The following DNAJC13 variants were observed in gnomAD, a reference collection of about 807,000 sequenced individuals.
DNAJC13 encodes the protein dnaJ homolog subfamily C member 13.
DNAJC13 carries 75 observed loss-of-function variants against 290.5 expected under a neutral mutation model. The ratio of observed to expected loss-of-function variants is 0.26; its 90% confidence interval spans 0.21 to 0.31. The LOEUF (loss-of-function observed/expected upper bound fraction) is 0.31. DNAJC13 is among the 10% of genes least tolerant of loss of function. DNAJC13 has a pLI of 1.00. For synonymous variants in DNAJC13, 862 were observed against 892.0 expected, an observed-to-expected ratio of 0.97 and a Z score of 0.60; for missense variants, 2,260 against 2,674.5, an observed-to-expected ratio of 0.85 and a Z score of 3.42.
chr3:132,440,300 T>A (rs573238959), intron 2 of DNAJC13, among the ~76,000 whole-genome samples: 1 of 152,204 alleles, frequency 6.6e-6, no homozygotes, highest in Non-Finnish European at 1.5e-5. Flanking sequence ...ATGTACTAAT[T>A]ATAATTTGTT....
At chr3:132,504,620 G>A (rs1935529860) in intron 41 of DNAJC13, among the ~76,000 whole-genome samples, 1 of 152,178 alleles carries the variant, frequency 6.6e-6, no homozygotes, top group Non-Finnish European at 1.5e-5. Context: ...CTTTGTATAA[G>A]ATGGAGGTCA....
In DNAJC13 at chr3:132,505,369, A is replaced by G. The variant is rs772290639; in HGVS notation, c.4952A>G (p.Glu1651Gly). The G allele has an allele frequency of 6.2e-7, 1 of 1,610,872 alleles. No homozygotes were observed. Among genetic ancestry groups the G allele is most frequent in the Non-Finnish European group, 8.5e-7 (1 of 1,178,326 alleles). The change falls in exon 42 of 56, where the codon GAA (glutamate) becomes GGA (glycine). Residue 1651 changes from glutamate to glycine, a missense_variant. Glu to Gly is a moderately conservative substitution (Grantham distance 98). Around this residue, in one of 3 missense-constraint regions of DNAJC13, gnomAD observed 1,494 missense variants for 1,693.7 expected, o/e 0.88. Transcript: ENST00000260818. ...YLIWNNSTRAELLEFLESQQE... is the reference protein window; with the variant it reads ...YLIWNNSTRAGLLEFLESQQE... ...ATATGGAACAATTCTACAAGAGCAGAATTACTTGAATTTCTTGAATCCCAA... is the reference window on the plus strand; with the variant it reads ...ATATGGAACAATTCTACAAGAGCAGGATTACTTGAATTTCTTGAATCCCAA...
Position 132,450,774 on chromosome 3 carries a change from A to G in DNAJC13, c.464A>G (p.Asn155Ser). 1.2e-6 allele frequency: 2 copies of G among 1,610,088 alleles called. No homozygotes were observed. Among genetic ancestry groups the G allele is most frequent in the Middle Eastern group, 1.7e-4 (1 of 6,040 alleles). ...NRVLCSYDYR[N>S]IEGFVDLSDY... The stretch of plus-strand genomic sequence containing the variant: ...GTACTCTGTTCCTATGACTATAGAA[A>G]TATTGAAGGATTTGTAGATCTCTCA... Residue 155 changes from asparagine to serine, a missense_variant, in exon 6 of 56, where the codon AAT (asparagine) becomes AGT (serine). By Grantham distance (46) the Asn-to-Ser change is conservative. Coordinates refer to ENST00000260818, the MANE Select transcript of DNAJC13 (RefSeq NM_015268.4).
chr3:132,447,565 CT>C (rs1250337148), intron 4 of DNAJC13, 95 bp downstream of exon 4: 26 of 1,204,118 alleles, frequency 2.2e-5, no homozygotes, highest in Non-Finnish European at 2.8e-5. Flanking sequence ...TTCTCTGCCC[CT>C]GTACCCACTA....
In DNAJC13 at chr3:132,528,366, A is replaced by G; in HGVS notation, c.6525+34A>G. 3 of 1,611,552 alleles carry G rather than the reference A, an allele frequency of 1.9e-6. 1 individual carries two copies. The highest frequency in any genetic ancestry group is 2.2e-5 in the South Asian group (2 of 90,828). On this transcript the variant is annotated intron_variant, in intron 54 of 55. Transcript: ENST00000260818. ...GCATAGAGTCAACTTTTGATATTCTAAAAGCCAGGGTCTTGGCCATGGATG... is the reference window on the plus strand; with the variant it reads ...GCATAGAGTCAACTTTTGATATTCTGAAAGCCAGGGTCTTGGCCATGGATG...
chr3:132,423,716 AG>A (rs982340902), intron 1 of DNAJC13, among the ~76,000 whole-genome samples: 33 of 152,228 alleles, frequency 2.2e-4, no homozygotes, highest in African/African-American at 7.7e-4. Flanking sequence ...TATTGAGTGA[AG>A]GGGAAATTGT....
intron 27 of DNAJC13, 22 bp from the exon 28 acceptor site, chr3:132,483,352 TA>T (rs780079906): frequency 3.7e-6 from 6 of 1,606,518 alleles, no homozygotes; most frequent in Non-Finnish European, 4.3e-6. Context: ...TGTCTGTTTG[TA>T]ATAATGCCTT....
intron 25 of DNAJC13, among the ~76,000 whole-genome samples, chr3:132,479,526 G>A (rs942623851): frequency 2.0e-5 from 3 of 152,008 alleles, no homozygotes; most frequent in Non-Finnish European, 4.4e-5. Context: ...TCTGAATGAC[G>A]AATAATGGAT....
At position 132,538,542 on chromosome 3, in the gene DNAJC13, T is replaced by TATC. The variant is rs1421085461; in HGVS notation, c.*261_*263dup. The TATC allele has an allele frequency of 3.5e-6, 1 of 288,326 alleles. No homozygotes were observed. Among genetic ancestry groups the TATC allele is most frequent in the Non-Finnish European group, 6.4e-6 (1 of 157,298 alleles). The allele number at this position is 288,326 out of a possible 1,614,324, so 17.9% of individuals were successfully genotyped here. A position where few individuals can be genotyped will look rare whatever the true frequency, so the allele number is the denominator to read the frequency against. On this transcript the variant is annotated 3_prime_UTR_variant, in exon 56 of 56. Transcript: ENST00000260818. ...GTATGTAAGCACATTTGTTCCTTTA[T>TATC]ATCTGTTTACAAAACTGTGAATCAA...
At position 132,447,570 on chromosome 3, in the gene DNAJC13, C is replaced by T. The variant is rs562428164; in HGVS notation, c.294+100C>T. The T allele has an allele frequency of 3.4e-6, 4 of 1,181,132 alleles. No individual in the cohort carries two copies. In the East Asian group the frequency reaches 1.2e-4, roughly 34 times the overall value. The allele number at this position is 1,181,132 out of a possible 1,614,324, so 73.2% of individuals were successfully genotyped here. A position where few individuals can be genotyped will look rare whatever the true frequency, so the allele number is the denominator to read the frequency against. ...GAAATTAATGTTCTCTGCCCCTGTA[C>T]CCACTATGATTATTTTTTTCTTACT... On this transcript the variant is annotated intron_variant, in intron 4 of 55. Coordinates refer to ENST00000260818, the MANE Select transcript of DNAJC13 (RefSeq NM_015268.4).
chr3:132,503,145 T>G (rs1935474688), intron 40 of DNAJC13, 69 bp from the exon 41 acceptor site: 1 of 1,512,654 alleles, frequency 6.6e-7, no homozygotes, highest in Non-Finnish European at 9.0e-7. Context: ...AGTGTGATTC[T>G]GTAAAATTAT....
rs754178638 is a variant in DNAJC13, at chr3:132,484,620, C to T, written c.3215C>T (p.Pro1072Leu). ...DQDNAIIRPL[P>L]KVKRLLSDST... is the part of the protein sequence containing the mutation. Reference sequence around the variant, plus strand: ...GACAATGCCATCATTCGGCCTCTACCCAAAGTGAAAAGACTGCTGTCAGAT... The same window carrying T: ...GACAATGCCATCATTCGGCCTCTACTCAAAGTGAAAAGACTGCTGTCAGAT... Residue 1072 changes from proline (P) to leucine (L), a missense_variant, in exon 29 of 56, where the codon CCC becomes CTC. Transcript: ENST00000260818. 1.2e-6 allele frequency: 2 copies of T among 1,613,944 alleles called. No individual in the cohort carries two copies. The highest frequency in any genetic ancestry group is 1.7e-6 in the Non-Finnish European group (2 of 1,179,984).
At chr3:132,435,473 A>G (rs796667979) in intron 2 of DNAJC13, among the ~76,000 whole-genome samples, 15 of 152,290 alleles carry the variant, frequency 9.8e-5, no homozygotes, top group African/African-American at 3.6e-4. Context: ...ACTTCTTAGG[A>G]TGTGGTATAC....
At chr3:132,523,755 A>G in intron 51 of DNAJC13, 42 bp downstream of exon 51, 2 of 1,572,456 alleles carry the variant, frequency 1.3e-6, no homozygotes, top group Non-Finnish European at 1.7e-6. Flanking sequence ...AGACTTGGCT[A>G]ACTAGACTGA....
intron 30 of DNAJC13, among the ~76,000 whole-genome samples, 155 bp downstream of exon 30, chr3:132,488,607 AT>A (rs1934962269): frequency 2.0e-5 from 3 of 152,170 alleles, no homozygotes; most frequent in African/African-American, 7.2e-5. Flanking sequence ...AAGCAGAAGA[AT>A]GGGGGAAAAT....
intron 1 of DNAJC13, among the ~76,000 whole-genome samples, chr3:132,429,116 CTT>C (rs1254915249): frequency 1.3e-5 from 2 of 152,152 alleles, no homozygotes; most frequent in Non-Finnish European, 2.9e-5. Context: ...GCTTTGGAGA[CTT>C]ATTTTTATTT....
intron 1 of DNAJC13, among the ~76,000 whole-genome samples, chr3:132,419,020 A>G (rs1938879592): frequency 6.6e-6 from 1 of 152,186 alleles, no homozygotes; most frequent in African/African-American, 2.4e-5. Context: ...ATAACGTAAA[A>G]CCTTGTTCAC....
chr3:132,485,417 G>A lies in DNAJC13; in HGVS notation c.3267+745G>A, dbSNP rs187626459. On this transcript the variant is annotated intron_variant, in intron 29 of 55. Coordinates refer to ENST00000260818, the MANE Select transcript of DNAJC13 (RefSeq NM_015268.4). ...GGCCTCCTAAAGTGCTGGGATTACA[G>A]GCATGAGCCACTGCACCCAGCTATT... Among the ~76,000 whole-genome samples the A allele has an allele frequency of 7.2e-3, 1,101 of 152,298 alleles. 10 individuals carry two copies. Among genetic ancestry groups the A allele is most frequent in the African/African-American group, 0.025 (1,042 of 41,546 alleles).
At position 132,499,214 on chromosome 3, in the gene DNAJC13, A is replaced by G; in HGVS notation, c.4245A>G (p.Glu1415=). The G allele has an allele frequency of 6.2e-7, 1 of 1,614,154 alleles. No individual in the cohort carries two copies. The highest frequency in any genetic ancestry group is 1.1e-5 in the South Asian group (1 of 91,088). ...CAGATGACCTCCTTTTCTCAAAAGA[A>G]TCACCATTGTTGCCTGCGGCTACAG... The part of the protein sequence containing the change: ...ETSDDLLFSK[E]SPLLPAATEL... Residue 1415 remains glutamate (E), a synonymous_variant, in exon 37 of 56, where the codon GAA becomes GAG. Coordinates refer to ENST00000260818, the MANE Select transcript of DNAJC13 (RefSeq NM_015268.4).
Sources: allele counts gnomAD v4.1 joint callset (sites outside exome capture counted in the v4.1 genomes callset), GRCh38; gene constraint gnomAD v4.1.1; regional missense constraint gnomAD v4.1.1; transcripts MANE v1.5; gene names NCBI Gene and HGNC (gene_info 2026-07-23, HGNC 2026-07-21).